ZBTB11: variants seen among roughly 807,000 people sequenced by gnomAD.
ZBTB11 encodes zinc finger and BTB domain containing 11.
Under a neutral mutation model 113.1 loss-of-function variants are expected in ZBTB11, and 68 were observed. The observed-to-expected ratio is 0.60, with a 90% CI of 0.49 to 0.74. ZBTB11 has a LOEUF of 0.74. Among genes scored for constraint, ZBTB11 ranks in the 30% least tolerant of loss-of-function variants. The probability of loss-of-function intolerance (pLI) is 0.00; values close to 1 mark genes in which losing one functional copy is unlikely to be tolerated. For synonymous variants in ZBTB11, 518 were observed against 452.6 expected (o/e 1.14, Z -1.83); for missense variants, 1,104 against 1,279.4 (o/e 0.86, Z 2.09).
chr3:101,664,459 G>T (rs766601789), intron 5 of ZBTB11, 79 bp downstream of exon 5: 2 of 1,385,926 alleles, frequency 1.4e-6, no homozygotes, highest in South Asian at 1.4e-5. Context: ...GAATACAAGC[G>T]AAAAGATAAC....
At chr3:101,662,358 C>T (rs1007616303) in intron 5 of ZBTB11, among the ~76,000 whole-genome samples, 3 of 152,198 alleles carry the variant, frequency 2.0e-5, no homozygotes, top group Admixed American at 6.5e-5. Flanking sequence ...GGAGCAGTGG[C>T]TCATGCCTAT....
At chr3:101,667,140 A>C (rs1170937709) in intron 3 of ZBTB11, among the ~76,000 whole-genome samples, 3 of 151,992 alleles carry the variant, frequency 2.0e-5, no homozygotes, top group Admixed American at 2.0e-4. Flanking sequence ...TGTAACCTTG[A>C]CCTCCCAGGC....
intron 3 of ZBTB11, among the ~76,000 whole-genome samples, chr3:101,670,289 AT>A (rs2108326764): frequency 6.6e-6 from 1 of 152,360 alleles, no homozygotes; most frequent in South Asian, 2.1e-4. Flanking sequence ...AAAGGAAAAA[AT>A]ATTTCAAAGT....
At chr3:101,669,523 G>A (rs1351027457) in intron 3 of ZBTB11, among the ~76,000 whole-genome samples, 2 of 152,002 alleles carry the variant, frequency 1.3e-5, no homozygotes, top group Admixed American at 1.3e-4. Context: ...ATAAACTGCT[G>A]AGAAACCAGA....
intron 5 of ZBTB11, among the ~76,000 whole-genome samples, chr3:101,661,713 T>C (rs942408709): frequency 6.6e-6 from 1 of 152,250 alleles, no homozygotes; most frequent in African/African-American, 2.4e-5. Context: ...TGAAATTTTA[T>C]AATGTACTTT....
chr3:101,676,316 C>A (rs552729909), intron 1 of ZBTB11, among the ~76,000 whole-genome samples: 16 of 152,360 alleles, frequency 1.1e-4, no homozygotes, highest in African/African-American at 2.9e-4. Context: ...AGGAGGCGGA[C>A]CTGGCGCAGC....
rs1179343041 is a variant in ZBTB11, at chr3:101,665,266, G to A, written c.1321C>T (p.Leu441Phe). 2.5e-6 allele frequency: 4 copies of A among 1,614,190 alleles called. No homozygotes were observed. Among genetic ancestry groups the A allele is most frequent in the Non-Finnish European group, 3.4e-6 (4 of 1,180,020 alleles). The change falls in exon 4 of 11, where the codon CTT becomes TTT. Residue 441 changes from leucine to phenylalanine, a missense_variant. By Grantham distance (22) the Leu-to-Phe change is conservative. Coordinates refer to ENST00000312938, the MANE Select transcript of ZBTB11 (RefSeq NM_014415.4). ...CTACTAATTACATTCTCTTTTGAAAGTTTAGGGTGTATATTAGAAACTGTG... is the reference window on the plus strand; with the variant it reads ...CTACTAATTACATTCTCTTTTGAAAATTTAGGGTGTATATTAGAAACTGTG... ...NNTVSNIHPK[L>F]SKENVISSSP...
chr3:101,668,470 A>C (rs928464970), intron 3 of ZBTB11, among the ~76,000 whole-genome samples: 1 of 152,092 alleles, frequency 6.6e-6, no homozygotes. Context: ...TCTATAAACA[A>C]ATGAAAAAAT....
intron 10 of ZBTB11, among the ~76,000 whole-genome samples, chr3:101,651,981 T>C (rs192861582): frequency 3.5e-4 from 53 of 152,090 alleles, no homozygotes; most frequent in Middle Eastern, 3.4e-3. Flanking sequence ...ATACAAAAAT[T>C]AGCCCAGCGT....
intron 3 of ZBTB11, 40 bp from the exon 4 acceptor site, chr3:101,665,848 T>C: frequency 1.3e-6 from 2 of 1,519,478 alleles, no homozygotes; most frequent in East Asian, 4.5e-5. Context: ...AAAAGTCAAT[T>C]ATCAATGAAA....
intron 3 of ZBTB11, among the ~76,000 whole-genome samples, chr3:101,668,508 G>C (rs1937032289): frequency 2.0e-5 from 3 of 151,858 alleles, no homozygotes; most frequent in Non-Finnish European, 4.4e-5. Context: ...GTGCACCTGT[G>C]GTCCCACCTA....
intron 1 of ZBTB11, among the ~76,000 whole-genome samples, chr3:101,672,648 C>T (rs928977898): frequency 3.9e-5 from 6 of 152,206 alleles, no homozygotes; most frequent in Admixed American, 6.5e-5. Flanking sequence ...ACCCGGGAGG[C>T]GGAGGTTGCA....
chr3:101,671,897 T>C (rs1364266798), intron 2 of ZBTB11, 81 bp downstream of exon 2: 1 of 1,108,064 alleles, frequency 9.0e-7, no homozygotes, highest in Non-Finnish European at 1.4e-6. Context: ...TCTTAGTGGT[T>C]TGAGAAAAAT....
chr3:101,657,971 G>A (rs916589716), intron 6 of ZBTB11, among the ~76,000 whole-genome samples: 2 of 152,178 alleles, frequency 1.3e-5, no homozygotes, highest in East Asian at 1.9e-4. Flanking sequence ...ACTGTATTCC[G>A]GCCTGGGTAA....
At chr3:101,652,052 C>T (rs1450880224) in intron 10 of ZBTB11, among the ~76,000 whole-genome samples, 1 of 152,024 alleles carries the variant, frequency 6.6e-6, no homozygotes, top group Non-Finnish European at 1.5e-5. Flanking sequence ...TCACTTGAAC[C>T]TGGGAGGCAG....
intron 5 of ZBTB11, among the ~76,000 whole-genome samples, chr3:101,662,785 A>G (rs930748649): frequency 1.3e-5 from 2 of 151,780 alleles, no homozygotes; most frequent in Admixed American, 6.5e-5. Flanking sequence ...TTTTGGAGAC[A>G]GGGTCTCACT....
intron 5 of ZBTB11, among the ~76,000 whole-genome samples, chr3:101,663,375 G>A (rs1486494668): frequency 1.3e-5 from 2 of 152,146 alleles, no homozygotes; most frequent in East Asian, 1.9e-4. Flanking sequence ...CCCAGCCAAA[G>A]TTGTTTTTCT....
At chr3:101,668,247 C>A (rs1381390711) in intron 3 of ZBTB11, among the ~76,000 whole-genome samples, 1 of 151,812 alleles carries the variant, frequency 6.6e-6, no homozygotes, top group Non-Finnish European at 1.5e-5. Flanking sequence ...TTAATAGATA[C>A]AAAATTACAG....
chr3:101,667,106 C>T (rs570446887), intron 3 of ZBTB11, among the ~76,000 whole-genome samples: 8 of 152,096 alleles, frequency 5.3e-5, no homozygotes, highest in African/African-American at 1.2e-4. Flanking sequence ...CAGGCTGAAG[C>T]GCAGTGGATT....
Sources: gnomAD v4.1 joint callset for allele counts (sites outside exome capture counted in the v4.1 genomes callset) on GRCh38, gnomAD v4.1.1 for gene constraint, MANE v1.5 for transcripts, NCBI Gene and HGNC (gene_info 2026-07-23, HGNC 2026-07-21) for gene names.